Variants in AKAP1 observed in about 807,000 individuals in gnomAD.
AKAP1 encodes A-kinase anchoring protein 1, also known as A-kinase anchor protein 1, mitochondrial.
AKAP1 carries 32 observed loss-of-function variants against 79.8 expected under a neutral mutation model. The observed-to-expected ratio is 0.40, with a 90% CI of 0.30 to 0.54. The LOEUF is 0.54. Ranked by LOEUF, AKAP1 falls within the 20% of genes least tolerant of loss-of-function variation. The pLI is 0.47. For missense variants in AKAP1, 961 were observed against 1,138.9 expected (o/e 0.84, Z 2.25); for synonymous variants, 416 against 466.7 (o/e 0.89, Z 1.40).
At position 57,100,449 on chromosome 17, in the gene AKAP1, A is replaced by ACACACACACG. The variant is rs1555620013; in HGVS notation, c.-24-4983_-24-4982insGCACACACAC. 5.7e-3 allele frequency among the ~76,000 whole-genome samples: 862 copies of ACACACACACG among 151,140 alleles called. 6 individuals are homozygous for ACACACACACG. The highest frequency in any genetic ancestry group is 0.02 in the African/African-American group (812 of 41,212). On this transcript the variant is annotated intron_variant, in intron 1 of 10. Coordinates refer to ENST00000337714, the MANE Select transcript of AKAP1 (RefSeq NM_003488.4). ...CTAAAACACACACACACACACACGC[A>ACACACACACG]CACACACACACACAAACATTAGCCA... is the stretch of plus-strand genomic sequence containing the variant.
intron 9 of AKAP1, 44 bp downstream of exon 9, chr17:57,118,498 T>A (rs771325886): frequency 6.3e-7 from 1 of 1,599,160 alleles, no homozygotes; most frequent in East Asian, 2.2e-5. Context: ...GGCTGGGTTC[T>A]TGGGAACTGA....
At chr17:57,087,796 T>C (rs1432673004) in intron 1 of AKAP1, among the ~76,000 whole-genome samples, 1 of 152,210 alleles carries the variant, frequency 6.6e-6, no homozygotes, top group Non-Finnish European at 1.5e-5. Flanking sequence ...AGCCTCCTGC[T>C]CCCAGCCTGC....
rs150670980 is a variant in AKAP1 at position 57,106,089 on chromosome 17, G to A, written c.625G>A (p.Val209Met). The change falls in exon 2 of 11, where the codon GTG becomes ATG. Residue 209 changes from valine to methionine, a missense_variant. Transcript: ENST00000337714. ...TGGGGCCGAAGGGACTGGTGATGCC[G>A]TGTTGGGGGAAAAGGTGCTTGAAGA... ...TGGAEGTGDA[V>M]LGEKVLEEAL... is the part of the protein sequence containing the mutation. The A allele has an allele frequency of 1.2e-4, 193 of 1,606,316 alleles. No individual in the cohort carries two copies. The East Asian group carries it at 1.8e-3, about 15-fold the overall frequency.
chr17:57,107,098 A>T lies in AKAP1; in HGVS notation c.1634A>T (p.Asn545Ile). Residue 545 changes from asparagine to isoleucine, a missense_variant, in exon 2 of 11, where the codon AAT becomes ATT. Asn to Ile is a moderately radical substitution (Grantham distance 149). Transcript: ENST00000337714. ...CCAGAAAGTACTGTGCCCTTCAGCA[A>T]TGGGGTGCTGAAGGGGGAGTTGTCA... ...PLPESTVPFS[N>I]GVLKGELSDL... The T allele has an allele frequency of 6.2e-7, 1 of 1,614,132 alleles. No homozygotes were observed. Among genetic ancestry groups the T allele is most frequent in the South Asian group, 1.1e-5 (1 of 91,070 alleles).
At chr17:57,104,958 A>G (rs968916099) in intron 1 of AKAP1, among the ~76,000 whole-genome samples, 4 of 152,180 alleles carry the variant, frequency 2.6e-5, no homozygotes, top group Admixed American at 6.5e-5. Context: ...CTGAGTAACA[A>G]AGTTCCATTT....
intron 3 of AKAP1, among the ~76,000 whole-genome samples, chr17:57,111,094 A>G (rs537236043): frequency 1.3e-5 from 2 of 152,158 alleles, no homozygotes; most frequent in South Asian, 4.2e-4. Flanking sequence ...GTGGTTACAA[A>G]GGGCATGAAG....
chr17:57,087,115 G>A (rs1317066664), intron 1 of AKAP1, among the ~76,000 whole-genome samples: 1 of 152,214 alleles, frequency 6.6e-6, no homozygotes, highest in Non-Finnish European at 1.5e-5. Context: ...TAGGTTAGAG[G>A]AGGTCCTCTG....
At chr17:57,099,142 T>G (rs1369534877) in intron 1 of AKAP1, among the ~76,000 whole-genome samples, 1 of 151,410 alleles carries the variant, frequency 6.6e-6, no homozygotes, top group Admixed American at 6.6e-5. Context: ...ATGGGTGCCC[T>G]TAGTGAGACC....
Position 57,112,518 on chromosome 17 carries a change from T to C in AKAP1, c.2003T>C (p.Leu668Pro), listed in dbSNP as rs1486857793. ...TCTCAACATCATGTAGACAAAGCGC[T>C]GAACTTGATTGGGAAGAAGTTCAAA... ...EGSQHHVDKA[L>P]NLIGKKFKEL... Residue 668 changes from leucine (L) to proline (P), a missense_variant, in exon 5 of 11, where the codon CTG becomes CCG. Coordinates refer to ENST00000337714, the MANE Select transcript of AKAP1 (RefSeq NM_003488.4). The C allele has an allele frequency of 6.2e-7, 1 of 1,614,204 alleles. No homozygotes were observed. The highest frequency in any genetic ancestry group is 1.3e-5 in the African/African-American group (1 of 75,072).
chr17:57,099,411 T>G lies in AKAP1; in HGVS notation c.-24-6030T>G, dbSNP rs73991767. ...GAAGCAGTGACACCTGGTTCCTGAT[T>G]GCTCAGCCTTGGGTCTCTGGCTCTA... On this transcript the variant is annotated intron_variant, in intron 1 of 10. Coordinates refer to ENST00000337714, the MANE Select transcript of AKAP1 (RefSeq NM_003488.4). Among the ~76,000 whole-genome samples, 1,315 of 152,274 alleles carry G rather than the reference T, an allele frequency of 8.6e-3. 6 individuals are homozygous for G. Among genetic ancestry groups the G allele is most frequent in the Middle Eastern group, 0.027 (8 of 294 alleles).
rs757687514 is a variant in AKAP1, at chr17:57,116,244, C to T, written c.2415C>T (p.Asp805=). 20 of 1,614,022 alleles carry T rather than the reference C, an allele frequency of 1.2e-5. No individual in the cohort carries two copies. Among genetic ancestry groups the T allele is most frequent in the South Asian group, 4.4e-5 (4 of 91,094 alleles). The change falls in exon 7 of 11, where the codon GAC becomes GAT. Residue 805 remains aspartate, a synonymous_variant. Transcript: ENST00000337714. The stretch of plus-strand genomic sequence containing the variant: ...GCGGATATAAGAGGGTGAAAGTAGA[C>T]GTGCTCCGGCAAATCAGGTGAGCGG... ...DYGGYKRVKV[D]VLRQIRSDFV...
At chr17:57,115,302 G>A (rs1915512178) in intron 6 of AKAP1, among the ~76,000 whole-genome samples, 2 of 152,196 alleles carry the variant, frequency 1.3e-5, no homozygotes, top group South Asian at 2.1e-4. Flanking sequence ...GTAGCCTTTT[G>A]TGTGGATTTT....
Position 57,118,476 on chromosome 17 carries a change from G to C in AKAP1, c.2574+22G>C, listed in dbSNP as rs201576816. 2,011 of 1,613,336 alleles carry C rather than the reference G, an allele frequency of 1.2e-3. 1 individual carries two copies. The highest frequency in any genetic ancestry group is 1.6e-3 in the Non-Finnish European group (1,882 of 1,179,350). On this transcript the variant is annotated intron_variant, in intron 9 of 10. Coordinates refer to ENST00000337714, the MANE Select transcript of AKAP1 (RefSeq NM_003488.4). ...TCAGGTGTGTGGTTGGCAGGGGTGGGGGAGGCAGGCTGGCTGGGTTCTTGG... is the reference window on the plus strand; with the variant it reads ...TCAGGTGTGTGGTTGGCAGGGGTGGCGGAGGCAGGCTGGCTGGGTTCTTGG...
At chr17:57,099,912 T>C (rs1370269840) in intron 1 of AKAP1, among the ~76,000 whole-genome samples, 1 of 152,184 alleles carries the variant, frequency 6.6e-6, no homozygotes, top group East Asian at 1.9e-4. Context: ...GTTGGGTCTC[T>C]ACCTCACTGT....
At chr17:57,109,122 GT>G in intron 2 of AKAP1, among the ~76,000 whole-genome samples, 1 of 152,224 alleles carries the variant, frequency 6.6e-6, no homozygotes, top group East Asian at 1.9e-4. Flanking sequence ...TATACTCAGG[GT>G]TTGGAGAAAC....
chr17:57,088,988 A>T (rs1913621810), intron 1 of AKAP1, among the ~76,000 whole-genome samples: 1 of 152,206 alleles, frequency 6.6e-6, no homozygotes, highest in Non-Finnish European at 1.5e-5. Context: ...AAGTAAAAAT[A>T]TGTATAACCT....
intron 1 of AKAP1, chr17:57,094,678 A>G (rs1195915724): frequency 6.8e-6 from 1 of 146,916 alleles, no homozygotes; most frequent in African/African-American, 2.5e-5. Flanking sequence ...TAATGCCATC[A>G]TAGCTCACTG....
chr17:57,105,498 G>A lies in AKAP1; in HGVS notation c.34G>A (p.Ala12Thr). The change falls in exon 2 of 11, where the codon GCA becomes ACA. Residue 12 changes from alanine to threonine, a missense_variant. By Grantham distance (58) the Ala-to-Thr change is moderately conservative (BLOSUM62 0). Around this residue, in one of 3 missense-constraint regions of AKAP1, gnomAD observed 108 missense variants for 147.6 expected, o/e 0.73. Transcript: ENST00000337714. ...CCAGTTCCGTTCGCTCTTCCCCTTG[G>A]CATTGCCTGGGATGCTGGCGCTCCT... ...AIQFRSLFPLALPGMLALLGW... is the reference protein window; with the variant it reads ...AIQFRSLFPLTLPGMLALLGW... 1 of 1,614,094 alleles carries A rather than the reference G, an allele frequency of 6.2e-7. No individual in the cohort carries two copies. Among genetic ancestry groups the A allele is most frequent in the Non-Finnish European group, 8.5e-7 (1 of 1,180,024 alleles).
chr17:57,106,364 C>A lies in AKAP1; in HGVS notation c.900C>A (p.Val300=), dbSNP rs140398755. 1.9e-6 allele frequency: 3 copies of A among 1,613,540 alleles called. No homozygotes were observed. The highest frequency in any genetic ancestry group is 2.5e-6 in the Non-Finnish European group (3 of 1,179,948). Residue 300 remains valine (V), a synonymous_variant, in exon 2 of 11, where the codon GTC becomes GTA. Transcript: ENST00000337714. ...ACGCCAAAGCCCAGGATAGAGGTGT[C>A]GAGGGAGAACTGGGCAATGAGGAGA... ...VADAKAQDRG[V]EGELGNEESL...
Sources: gnomAD v4.1 joint callset for allele counts (sites outside exome capture counted in the v4.1 genomes callset) on GRCh38, gnomAD v4.1.1 for gene constraint, gnomAD v4.1.1 regional missense constraint, MANE v1.5 for transcripts, NCBI Gene and HGNC (gene_info 2026-07-23, HGNC 2026-07-21) for gene names.